The following TSC1 variants were observed in gnomAD, a reference collection of about 807,000 sequenced individuals.
TSC1 encodes the protein TSC complex subunit 1.
A neutral mutation model predicts 124.3 loss-of-function variants in TSC1; 20 were observed. The ratio of observed to expected loss-of-function variants is 0.16; its 90% CI spans 0.11 to 0.23. The LOEUF (loss-of-function observed/expected upper bound fraction) is 0.23. Ranked by LOEUF, TSC1 falls within the 10% of genes least tolerant of loss-of-function variation. TSC1 has a pLI of 1.00. For missense variants in TSC1, 1,124 were observed against 1,448.5 expected (o/e 0.78, Z 3.64); for synonymous variants, 493 against 539.1 (o/e 0.91, Z 1.19).
intron 8 of TSC1, chr9:132,912,933 AT>A (rs1331745849): frequency 1.2e-5 from 2 of 162,484 alleles, no homozygotes; most frequent in Non-Finnish European, 2.7e-5. Context: ...GTCCATGAGA[AT>A]TTTTTTCTTT....
intron 19 of TSC1, 98 bp downstream of exon 19, chr9:132,901,491 C>T: frequency 8.8e-7 from 1 of 1,140,142 alleles, no homozygotes; most frequent in East Asian, 2.3e-5. Flanking sequence ...GAACCCATGA[C>T]ACAGACACTC....
intron 3 of TSC1, among the ~76,000 whole-genome samples, chr9:132,927,758 C>T (rs570614427): frequency 2.6e-5 from 4 of 152,272 alleles, no homozygotes; most frequent in African/African-American, 9.6e-5. Context: ...ATCTCCTGAC[C>T]TTGTGATCCG....
intron 1 of TSC1, 145 bp from the exon 2 acceptor site, chr9:132,935,240 A>G (rs1847398173): frequency 2.5e-6 from 1 of 395,224 alleles, no homozygotes; most frequent in Non-Finnish European, 4.5e-6. Context: ...ACTCATAATC[A>G]TTGGAAGCAC....
intron 20 of TSC1, chr9:132,899,674 C>A (rs1588295376): frequency 6.6e-6 from 1 of 152,200 alleles, no homozygotes; most frequent in Admixed American, 6.5e-5. Flanking sequence ...CAATTGAAGG[C>A]ATCCTGACTA....
chr9:132,941,577 T>G (rs1847739809), intron 1 of TSC1: 1 of 152,218 alleles, frequency 6.6e-6, no homozygotes, highest in African/African-American at 2.4e-5. Flanking sequence ...TTTAACGCTA[T>G]TAAGTACACT....
Position 132,906,626 on chromosome 9 carries a change from G to T in TSC1, c.1438+105C>A. Reference sequence around the variant, plus strand: ...TAAACCACCCATCTTGTTACCTCAAGAGAAGAAAAATCCAGCAAGCCTGTG... The same window carrying T: ...TAAACCACCCATCTTGTTACCTCAATAGAAGAAAAATCCAGCAAGCCTGTG... On this transcript the variant is annotated intron_variant, in intron 14 of 22. Transcript: ENST00000298552. This position sits in a 1 kb window ranked among gnomAD's most constrained non-coding sequence, Gnocchi z 4.1. The T allele has an allele frequency of 1.0e-6, 1 of 985,646 alleles. No homozygotes were observed. Among genetic ancestry groups the T allele is most frequent in the Non-Finnish European group, 1.6e-6 (1 of 637,612 alleles). 61.1% of individuals were successfully genotyped at this position (985,646 alleles called of 1,614,324 possible).
At chr9:132,911,329 T>C in intron 10 of TSC1, 124 bp downstream of exon 10, 1 of 871,012 alleles carries the variant, frequency 1.1e-6, no homozygotes, top group Non-Finnish European at 2.0e-6. Context: ...ATATCATGGA[T>C]CCTTAAAAGT....
intron 20 of TSC1, chr9:132,900,506 T>C (rs111692829): frequency 1.5e-6 from 1 of 661,472 alleles, no homozygotes; most frequent in African/African-American, 1.8e-5. Context: ...GCTTTCAGTG[T>C]GAGTTAACTT....
At chr9:132,944,755 C>G (rs1162563945), upstream of TSC1, 2 of 397,338 alleles carry the variant, frequency 5.0e-6, no homozygotes, top group Non-Finnish European at 8.9e-6. Flanking sequence ...GGAAGAGGCT[C>G]TTCCACTCAT....
rs752473063 is a variant in TSC1 at position 132,903,791 on chromosome 9, T to C, written c.2068A>G (p.Thr690Ala). Reference sequence around the variant, plus strand: ...AGTAAAAGCAACTGGTCTCGGAGGGTGCGGATCTCATCTGAAGGAGGAGAG... The same window carrying C: ...AGTAAAAGCAACTGGTCTCGGAGGGCGCGGATCTCATCTGAAGGAGGAGAG... ...GGSPPSDEIR[T>A]LRDQLLLLHN... The change falls in exon 17 of 23, where the codon ACC becomes GCC. Residue 690 changes from threonine (T) to alanine (A), a missense_variant. Around this residue, in one of 5 missense-constraint regions of TSC1, gnomAD observed 321 missense variants for 397.4 expected, o/e 0.81. Transcript: ENST00000298552. This position sits in a 1 kb window ranked among gnomAD's most constrained non-coding sequence, Gnocchi z 5.9. 2.5e-6 allele frequency: 4 copies of C among 1,613,824 alleles called. No individual in the cohort carries two copies. The highest frequency in any genetic ancestry group is 2.5e-6 in the Non-Finnish European group (3 of 1,179,996).
At position 132,897,550 on chromosome 9, in the gene TSC1, G is replaced by A. The variant is rs377132822; in HGVS notation, c.2686C>T (p.Leu896Phe). Reference sequence around the variant, plus strand: ...GTATCAAGCCTCTGAGTCTGCTGGAGAACATGGCTTCTGTTTTTTTCTAGC... The same window carrying A: ...GTATCAAGCCTCTGAGTCTGCTGGAAAACATGGCTTCTGTTTTTTTCTAGC... ...KELEKNRSHV[L>F]QQTQRLDTSQ... is the part of the protein sequence containing the mutation. The change falls in exon 21 of 23, where the codon CTC becomes TTC. Residue 896 changes from leucine (L) to phenylalanine (F), a missense_variant. Coordinates refer to ENST00000298552, the MANE Select transcript of TSC1 (RefSeq NM_000368.5). The A allele has an allele frequency of 6.6e-7, 1 of 1,518,368 alleles. No individual in the cohort carries two copies. Among genetic ancestry groups the A allele is most frequent in the South Asian group, 1.1e-5 (1 of 88,648 alleles). 94.1% of individuals were successfully genotyped at this position (1,518,368 alleles called of 1,614,324 possible). A position where few individuals can be genotyped will look rare whatever the true frequency, so the allele number is the denominator to read the frequency against.
At position 132,898,540 on chromosome 9, in the gene TSC1, T is replaced by A. The variant is rs566092039; in HGVS notation, c.2626-930A>T. 6.5e-4 allele frequency among the ~76,000 whole-genome samples: 99 copies of A among 152,342 alleles called. 1 individual carries two copies. The highest frequency in any genetic ancestry group is 3.4e-3 in the Middle Eastern group (1 of 294). On this transcript the variant is annotated intron_variant, in intron 20 of 22. Transcript: ENST00000298552. ...TTCCTTGTTATAGAACGCAACTGAT[T>A]GAAACTCAGAACTGGCTCTCGGATA...
At position 132,928,940 on chromosome 9, in the gene TSC1, G is replaced by T; in HGVS notation, c.-68C>A. 2 of 1,606,714 alleles carry T rather than the reference G, an allele frequency of 1.2e-6. No homozygotes were observed. Among genetic ancestry groups the T allele is most frequent in the Non-Finnish European group, 1.7e-6 (2 of 1,177,328 alleles). On this transcript the variant is annotated 5_prime_UTR_variant, in exon 3 of 23. Transcript: ENST00000298552. ...ACAGGTTCTGAAGGTTCTTCATTGG[G>T]GCCACTACCAAACTGAGAAAAAGGA... is the stretch of plus-strand genomic sequence containing the variant.
chr9:132,916,709 A>G (rs966682426), intron 8 of TSC1, among the ~76,000 whole-genome samples: 2 of 152,214 alleles, frequency 1.3e-5, no homozygotes, highest in Non-Finnish European at 2.9e-5. Flanking sequence ...AATGCCTAAT[A>G]TAACTTTTAC....
At position 132,905,669 on chromosome 9, in the gene TSC1, CCT is replaced by C. The variant is rs118203599; in HGVS notation, c.1907_1908del (p.Glu636GlyfsTer51). 6.2e-7 allele frequency: 1 copy of C among 1,614,226 alleles called. No individual in the cohort carries two copies. The highest frequency in any genetic ancestry group is 8.5e-7 in the Non-Finnish European group (1 of 1,180,046). ...GGGGAGGTAGAGGGCACACCATCTT[CCT>C]CTGTGTTTCCTTTTGCTTTCTTTAA... Reference protein sequence around the residue: ...ELLKKAKGNTEEDGVPSTSPM... With the variant: ...ELLKKAKGNTXEDGVPSTSPM... On this transcript the variant is annotated frameshift_variant, in exon 15 of 23. Coordinates refer to ENST00000298552, the MANE Select transcript of TSC1 (RefSeq NM_000368.5). LOFTEE classifies it high-confidence loss of function.
rs1485785056 is a variant in TSC1, at chr9:132,895,288, G to A, written c.*947C>T. 1 of 233,310 alleles carries A rather than the reference G, an allele frequency of 4.3e-6. No homozygotes were observed. The highest frequency in any genetic ancestry group is 8.5e-6 in the Non-Finnish European group (1 of 117,962). 14.5% of individuals were successfully genotyped at this position (233,310 alleles called of 1,614,324 possible). A position where few individuals can be genotyped will look rare whatever the true frequency, so the allele number is the denominator to read the frequency against. ...GTCACATATAAGCTGACATGAACAAGAGGCGTATGCACACAAAGGGAGGCC... is the reference window on the plus strand; with the variant it reads ...GTCACATATAAGCTGACATGAACAAAAGGCGTATGCACACAAAGGGAGGCC... On this transcript the variant is annotated 3_prime_UTR_variant, in exon 23 of 23. Transcript: ENST00000298552.
chr9:132,937,010 C>T (rs1344325614), intron 1 of TSC1, among the ~76,000 whole-genome samples: 4 of 152,250 alleles, frequency 2.6e-5, no homozygotes, highest in Non-Finnish European at 5.9e-5. Flanking sequence ...TTAAACTCCA[C>T]TGGTCTCTTC....
chr9:132,906,886 G>C lies in TSC1; in HGVS notation c.1334-51C>G. 2.0e-6 allele frequency: 3 copies of C among 1,469,312 alleles called. No homozygotes were observed. The South Asian group carries it at 3.4e-5, about 17-fold the overall frequency. The allele number at this position is 1,469,312 out of a possible 1,614,324, so 91.0% of individuals were successfully genotyped here. ...GTCAAAGAAATACAGTGTAATCCCT[G>C]TAAGTGTAAAACTGCTTACACTGTA... On this transcript the variant is annotated intron_variant, in intron 13 of 22. Transcript: ENST00000298552. The surrounding 1 kb of genome is among the most constrained non-coding windows in gnomAD (Gnocchi z 4.1).
At chr9:132,930,347 G>A (rs1847135455) in intron 2 of TSC1, among the ~76,000 whole-genome samples, 1 of 152,124 alleles carries the variant, frequency 6.6e-6, no homozygotes, top group South Asian at 2.1e-4. Flanking sequence ...CCAGCATAAT[G>A]GGAGGCCGAG....
Sources: gnomAD v4.1 joint callset for allele counts (sites outside exome capture counted in the v4.1 genomes callset) on GRCh38, gnomAD v4.1.1 for gene constraint, gnomAD v4.1.1 regional missense constraint, Gnocchi (gnomAD v3.1) non-coding constraint, MANE v1.5 for transcripts, NCBI Gene and HGNC (gene_info 2026-07-23, HGNC 2026-07-21) for gene names.